The following KIF3B variants were observed in gnomAD, a reference collection of about 807,000 sequenced individuals.
KIF3B encodes the protein kinesin-like protein KIF3B.
In KIF3B, 38 loss-of-function variants were observed where a neutral mutation model predicts 74.3. That is an observed-to-expected ratio of 0.51 (90% CI 0.39 to 0.67). The LOEUF (loss-of-function observed/expected upper bound fraction) is 0.67. KIF3B is among the 30% of genes least tolerant of loss of function. KIF3B has a pLI of 0.00. For synonymous variants in KIF3B, 326 were observed against 342.5 expected (o/e 0.95, Z 0.53); for missense variants, 649 against 932.0 (o/e 0.70, Z 3.95).
At chr20:32,298,213 G>T (rs2047725642) in intron 1 of KIF3B, among the ~76,000 whole-genome samples, 1 of 151,964 alleles carries the variant, frequency 6.6e-6, no homozygotes, top group Non-Finnish European at 1.5e-5. Context: ...GGGTGGGTGG[G>T]TCACTTGAGG....
intron 1 of KIF3B, among the ~76,000 whole-genome samples, chr20:32,284,567 T>A (rs1233635329): frequency 5.9e-5 from 9 of 152,060 alleles, no homozygotes; most frequent in Non-Finnish European, 1.5e-5. Context: ...GGCAGGAGGA[T>A]CACTGGAGGC....
At chr20:32,320,520 G>GTT (rs779283206) in intron 5 of KIF3B, among the ~76,000 whole-genome samples, 29 of 135,314 alleles carry the variant, frequency 2.1e-4, no homozygotes, top group East Asian at 4.2e-4. Context: ...TGTTTTGTTA[G>GTT]TTTTTTTTTT....
intron 5 of KIF3B, among the ~76,000 whole-genome samples, chr20:32,323,104 ATATATATT>A (rs1168101490): frequency 2.3e-5 from 2 of 87,324 alleles, no homozygotes; most frequent in South Asian, 3.7e-4. Context: ...TTATATATTT[ATATATATT>A]TATATATTTA....
At chr20:32,286,378 G>A (rs1223829633) in intron 1 of KIF3B, among the ~76,000 whole-genome samples, 1 of 152,074 alleles carries the variant, frequency 6.6e-6, no homozygotes, top group Non-Finnish European at 1.5e-5. Flanking sequence ...AATCTAGCTG[G>A]CAAATCATAA....
intron 1 of KIF3B, among the ~76,000 whole-genome samples, chr20:32,299,403 A>ATATATATATATATATATATTTTT (rs1555895046): frequency 1.1e-4 from 1 of 9,026 alleles, no homozygotes; most frequent in Non-Finnish European, 1.7e-4. Context: ...ATATATATAT[A>ATATATATATATATATATATTTTT]TTTTTTTTTT....
intron 1 of KIF3B, among the ~76,000 whole-genome samples, chr20:32,296,949 G>A (rs1277478091): frequency 2.0e-5 from 3 of 152,084 alleles, no homozygotes; most frequent in Non-Finnish European, 4.4e-5. Flanking sequence ...CAAACACGGA[G>A]TCCTGATACT....
intron 7 of KIF3B, 49 bp downstream of exon 7, chr20:32,327,710 A>G: frequency 1.4e-6 from 2 of 1,428,696 alleles, no homozygotes; most frequent in South Asian, 1.1e-5. Context: ...TGGAGTCTAG[A>G]TTTGTGTAAG....
At position 32,309,912 on chromosome 20, in the gene KIF3B, C is replaced by T. The variant is rs753002492; in HGVS notation, c.135C>T (p.Asn45=). The T allele has an allele frequency of 4.3e-6, 7 of 1,614,136 alleles. No homozygotes were observed. In the South Asian group the frequency reaches 7.7e-5, roughly 18 times the overall value. ...AGCTGGGGCAGGTGTCTGTGAAGAA[C>T]CCCAAAGGGACGGCCCATGAAATGC... ...DVKLGQVSVK[N]PKGTAHEMPK... The change falls in exon 2 of 9, where the codon AAC becomes AAT. Residue 45 remains asparagine, a synonymous_variant. Coordinates refer to ENST00000375712, the MANE Select transcript of KIF3B (RefSeq NM_004798.4).
chr20:32,305,731 T>C (rs954012044), intron 1 of KIF3B, among the ~76,000 whole-genome samples: 2 of 151,224 alleles, frequency 1.3e-5, no homozygotes, highest in East Asian at 2.0e-4. Flanking sequence ...CATGCCACCA[T>C]GCCCGGCTAA....
At chr20:32,289,484 G>T (rs1278132550) in intron 1 of KIF3B, among the ~76,000 whole-genome samples, 2 of 152,168 alleles carry the variant, frequency 1.3e-5, no homozygotes, top group Non-Finnish European at 2.9e-5. Flanking sequence ...GAGCCACCAT[G>T]CTCGGCCACT....
At chr20:32,293,125 G>T (rs2047701073) in intron 1 of KIF3B, among the ~76,000 whole-genome samples, 1 of 152,078 alleles carries the variant, frequency 6.6e-6, no homozygotes, top group South Asian at 2.1e-4. Flanking sequence ...GTGGTGGGGT[G>T]TGCTTATAGT....
intron 5 of KIF3B, among the ~76,000 whole-genome samples, chr20:32,321,873 A>G (rs917376208): frequency 1.3e-5 from 2 of 151,900 alleles, no homozygotes; most frequent in Non-Finnish European, 2.9e-5. Context: ...TATACATTTA[A>G]TAGACTACAG....
At chr20:32,282,983 A>G (rs1464507556) in intron 1 of KIF3B, among the ~76,000 whole-genome samples, 1 of 152,210 alleles carries the variant, frequency 6.6e-6, no homozygotes, top group Non-Finnish European at 1.5e-5. Flanking sequence ...CAACATTGTG[A>G]ATAGTAAAAC....
In KIF3B at chr20:32,316,335, T is replaced by A. The variant is rs1237496493; in HGVS notation, c.1506+16T>A. The A allele has an allele frequency of 2.5e-6, 4 of 1,586,946 alleles. No individual in the cohort carries two copies. Among genetic ancestry groups the A allele is most frequent in the Non-Finnish European group, 3.5e-6 (4 of 1,155,398 alleles). On this transcript the variant is annotated intron_variant, in intron 3 of 8. Transcript: ENST00000375712. ...TGCAGAGCAGGTAACTTTTCATTCTTTTTCAGGGAGAATGGGTGAGGTAAG... is the reference window on the plus strand; with the variant it reads ...TGCAGAGCAGGTAACTTTTCATTCTATTTCAGGGAGAATGGGTGAGGTAAG...
In KIF3B at chr20:32,309,305, T is replaced by A. The variant is rs146937649; in HGVS notation, c.-65-408T>A. Among the ~76,000 whole-genome samples, 720 of 151,830 alleles carry A rather than the reference T, an allele frequency of 4.7e-3. 5 individuals carry two copies. Among genetic ancestry groups the A allele is most frequent in the African/African-American group, 0.015 (630 of 41,386 alleles). ...GCTTCAGCCTCCTAAAATGCTGGGA[T>A]TACAGATGTGAGCTACTGTGTACAG... is the stretch of plus-strand genomic sequence containing the variant. On this transcript the variant is annotated intron_variant, in intron 1 of 8. Coordinates refer to ENST00000375712, the MANE Select transcript of KIF3B (RefSeq NM_004798.4).
At chr20:32,328,939 G>A (rs1000111811) in intron 7 of KIF3B, among the ~76,000 whole-genome samples, 13 of 152,080 alleles carry the variant, frequency 8.5e-5, no homozygotes, top group Non-Finnish European at 1.8e-4. Flanking sequence ...ATGGAGTCTC[G>A]CTCTGTCGCC....
chr20:32,306,006 A>G (rs1442019343), intron 1 of KIF3B, among the ~76,000 whole-genome samples: 1 of 150,920 alleles, frequency 6.6e-6, no homozygotes, highest in African/African-American at 2.4e-5. Context: ...TAATTGCTTG[A>G]ACCCAGGAGG....
intron 5 of KIF3B, among the ~76,000 whole-genome samples, chr20:32,323,070 T>TTA (rs1289543175): frequency 3.4e-4 from 5 of 14,516 alleles, no homozygotes; most frequent in African/African-American, 8.4e-4. Flanking sequence ...TTATATATAT[T>TTA]TATATATTTA....
chr20:32,295,958 G>T (rs890303080), intron 1 of KIF3B, among the ~76,000 whole-genome samples: 1 of 150,500 alleles, frequency 6.6e-6, no homozygotes, highest in South Asian at 2.1e-4. Flanking sequence ...TCTGCCTCCC[G>T]GGTTTGAGTG....
Sources: gnomAD v4.1 joint callset for allele counts (sites outside exome capture counted in the v4.1 genomes callset) on GRCh38, gnomAD v4.1.1 for gene constraint, MANE v1.5 for transcripts, NCBI Gene and HGNC (gene_info 2026-07-23, HGNC 2026-07-21) for gene names.